Variants in PRELID2 observed in about 807,000 individuals in gnomAD.
The protein encoded by PRELID2 is PRELI domain containing 2, also known as PRELI domain-containing protein 2.
A neutral mutation model predicts 28.4 loss-of-function variants in PRELID2; 25 were observed. The observed-to-expected ratio is 0.88, with a 90% confidence interval of 0.64 to 1.23. The LOEUF is 1.23. Among genes scored for constraint, PRELID2 ranks in the 50% most tolerant of loss-of-function variants. The pLI is 0.00. For missense variants in PRELID2, 201 were observed against 214.4 expected (o/e 0.94, Z 0.39); for synonymous variants, 76 against 71.6 (o/e 1.06, Z -0.31).
chr5:145,806,654 C>T (rs1246070823), intron 4 of PRELID2, among the ~76,000 whole-genome samples: 3 of 152,182 alleles, frequency 2.0e-5, no homozygotes, highest in African/African-American at 4.8e-5. Flanking sequence ...TGTGTCCCCA[C>T]CAAATCTCAT....
At chr5:145,318,942 G>A in the PRELID2 span, among the ~76,000 whole-genome samples, 1 of 152,112 alleles carries the variant, frequency 6.6e-6, no homozygotes, top group Non-Finnish European at 1.5e-5. Flanking sequence ...CTGGAAAGGG[G>A]ATAGAATGGG....
chr5:145,751,371 T>C (rs1757119022), downstream of PRELID2, among the ~76,000 whole-genome samples: 2 of 152,162 alleles, frequency 1.3e-5, 1 homozygote, highest in Admixed American at 1.3e-4. Context: ...TCTCTAACTT[T>C]TTCAAGAGAC....
chr5:145,483,542 T>A (rs554875656), intron 1 of PRELID2, among the ~76,000 whole-genome samples: 16 of 152,358 alleles, frequency 1.1e-4, no homozygotes, highest in Admixed American at 2.6e-4. Context: ...ATTCTGCTTT[T>A]ATCTGCTTTG....
At chr5:145,420,356 A>T in the PRELID2 span, among the ~76,000 whole-genome samples, 1 of 151,930 alleles carries the variant, frequency 6.6e-6, no homozygotes, top group East Asian at 1.9e-4. Flanking sequence ...GATTCTTCCT[A>T]CCCATGAGCA....
the PRELID2 span, among the ~76,000 whole-genome samples, chr5:145,259,660 T>G: frequency 6.6e-6 from 1 of 152,184 alleles, no homozygotes; most frequent in African/African-American, 2.4e-5. Context: ...GTTCCCCCAT[T>G]GTATCTTGGT....
At chr5:145,656,427 A>C (rs180694258) in intron 1 of PRELID2, among the ~76,000 whole-genome samples, 10 of 152,276 alleles carry the variant, frequency 6.6e-5, no homozygotes, top group Non-Finnish European at 1.3e-4. Flanking sequence ...ATTATAAATC[A>C]TGTTACTATA....
the PRELID2 span, among the ~76,000 whole-genome samples, chr5:145,285,326 G>C: frequency 2.0e-4 from 31 of 152,102 alleles, no homozygotes; most frequent in African/African-American, 7.0e-4. Flanking sequence ...GCTTATTTTT[G>C]AGGTTATCCT....
At chr5:145,279,278 G>A in the PRELID2 span, among the ~76,000 whole-genome samples, 1 of 152,224 alleles carries the variant, frequency 6.6e-6, no homozygotes, top group African/African-American at 2.4e-5. Context: ...AGACATCATT[G>A]CCAGGTTTCT....
downstream of PRELID2, among the ~76,000 whole-genome samples, chr5:145,468,420 G>A (rs931891027): frequency 1.3e-5 from 2 of 152,060 alleles, no homozygotes; most frequent in Non-Finnish European, 2.9e-5. Flanking sequence ...ATAATCCTTT[G>A]GGTATATACC....
At chr5:145,290,326 A>G in the PRELID2 span, among the ~76,000 whole-genome samples, 1 of 152,188 alleles carries the variant, frequency 6.6e-6, no homozygotes, top group Non-Finnish European at 1.5e-5. Flanking sequence ...CACTATTCAC[A>G]GCAGCAAAGA....
At chr5:145,731,078 A>T (rs1363027358) in intron 1 of PRELID2, among the ~76,000 whole-genome samples, 2 of 152,178 alleles carry the variant, frequency 1.3e-5, no homozygotes, top group East Asian at 3.9e-4. Flanking sequence ...AACTAAAGAA[A>T]ACCTGTCTTT....
intron 1 of PRELID2, among the ~76,000 whole-genome samples, chr5:145,480,493 A>G (rs1041917481): frequency 1.3e-5 from 2 of 152,148 alleles, no homozygotes; most frequent in Admixed American, 6.6e-5. Context: ...GCCAGAATCC[A>G]CTGTAAATAA....
intron 1 of PRELID2, among the ~76,000 whole-genome samples, chr5:145,621,132 T>C (rs543682549): frequency 6.6e-6 from 1 of 152,334 alleles, no homozygotes; most frequent in African/African-American, 2.4e-5. Flanking sequence ...AGTATCTGAA[T>C]AGACATTTCT....
chr5:145,389,042 T>C, the PRELID2 span, among the ~76,000 whole-genome samples: 11 of 152,310 alleles, frequency 7.2e-5, no homozygotes, highest in East Asian at 1.9e-4. Flanking sequence ...CAGCACATAA[T>C]AGATGCTTGA....
intron 1 of PRELID2, among the ~76,000 whole-genome samples, chr5:145,585,134 A>G (rs1435325670): frequency 6.6e-6 from 1 of 152,162 alleles, no homozygotes; most frequent in East Asian, 1.9e-4. Context: ...AGTCCTTTGC[A>G]GGGACATGAA....
chr5:145,416,001 T>C, the PRELID2 span, among the ~76,000 whole-genome samples: 1 of 152,106 alleles, frequency 6.6e-6, no homozygotes. Flanking sequence ...TATCTCATTG[T>C]GGTTTTGATT....
At chr5:145,296,820 T>C in the PRELID2 span, among the ~76,000 whole-genome samples, 112 of 152,216 alleles carry the variant, frequency 7.4e-4, 3 homozygotes, top group East Asian at 0.02. Flanking sequence ...AGTGTAAAAG[T>C]GTTCCTATTT....
At chr5:145,323,747 G>A in the PRELID2 span, among the ~76,000 whole-genome samples, 1 of 152,068 alleles carries the variant, frequency 6.6e-6, no homozygotes, top group Non-Finnish European at 1.5e-5. Context: ...AGTTTGGTTA[G>A]GATAATGGCC....
chr5:145,406,563 A>G, the PRELID2 span, among the ~76,000 whole-genome samples: 2 of 152,230 alleles, frequency 1.3e-5, no homozygotes, highest in Non-Finnish European at 2.9e-5. Flanking sequence ...GGAAAATGGC[A>G]GATTGGAGAC....
Sources: gnomAD v4.1 joint callset for allele counts (sites outside exome capture counted in the v4.1 genomes callset) on GRCh38, gnomAD v4.1.1 for gene constraint, MANE v1.5 for transcripts, NCBI Gene and HGNC (gene_info 2026-07-23, HGNC 2026-07-21) for gene names.